Variants in VARS1 observed in about 807,000 individuals in gnomAD.
VARS1 encodes the protein valyl-tRNA synthetase 1.
VARS1 carries 92 observed loss-of-function variants against 161.0 expected under a neutral mutation model. The observed-to-expected ratio is 0.57, with a 90% CI of 0.48 to 0.68. The LOEUF is 0.68. Among genes scored for constraint, VARS1 ranks in the 30% least tolerant of loss-of-function variants. The pLI is 0.00. For missense variants in VARS1, 1,338 were observed against 1,695.9 expected, an observed-to-expected ratio of 0.79 and a Z score of 3.71; for synonymous variants, 595 against 682.5, an observed-to-expected ratio of 0.87 and a Z score of 2.00.
chr6:31,786,754 C>A (rs374359517), intron 8 of VARS1, among the ~76,000 whole-genome samples: 1 of 145,502 alleles, frequency 6.9e-6, no homozygotes, highest in African/African-American at 2.5e-5. Context: ...AAATAAGTTA[C>A]TAAACAGGAA....
Position 31,777,542 on chromosome 6 carries a change from T to G in VARS1, c.*52A>C. On this transcript the variant is annotated 3_prime_UTR_variant, in exon 30 of 30. Coordinates refer to ENST00000375663, the MANE Select transcript of VARS1 (RefSeq NM_006295.3). This position sits in a 1 kb window ranked among gnomAD's most constrained non-coding sequence, Gnocchi z 5.8. The stretch of plus-strand genomic sequence containing the variant: ...ATTTTGTGGGAAAATATTTTATTGC[T>G]GCCATCCCCATGGTGAGCCGCTGGG... 1 of 1,603,632 alleles carries G rather than the reference T, an allele frequency of 6.2e-7. No homozygotes were observed. Among genetic ancestry groups the G allele is most frequent in the Non-Finnish European group, 8.5e-7 (1 of 1,170,838 alleles).
intron 8 of VARS1, among the ~76,000 whole-genome samples, chr6:31,787,893 C>T (rs925097443): frequency 2.0e-5 from 3 of 151,984 alleles, no homozygotes; most frequent in South Asian, 2.1e-4. Context: ...CCGAGGTACG[C>T]GAATCACGAG....
rs1247983687 is a variant in VARS1, at chr6:31,791,678, G to A, written c.1032C>T (p.Pro344=). The A allele has an allele frequency of 1.2e-6, 2 of 1,613,016 alleles. No homozygotes were observed. The highest frequency in any genetic ancestry group is 1.7e-6 in the Non-Finnish European group (2 of 1,180,004). ...CCAGGTGCAGGGAGCCTGTCACATTGGGGGGTGGGATGCACATCATGAAGA... is the reference window on the plus strand; with the variant it reads ...CCAGGTGCAGGGAGCCTGTCACATTAGGGGGTGGGATGCACATCATGAAGA... The part of the protein sequence containing the change: ...RGVFMMCIPP[P]NVTGSLHLGH... Residue 344 remains proline (P), a synonymous_variant, in exon 8 of 30, where the codon CCC becomes CCT. Coordinates refer to ENST00000375663, the MANE Select transcript of VARS1 (RefSeq NM_006295.3). The surrounding 1 kb of genome is among the most constrained non-coding windows in gnomAD (Gnocchi z 5.0).
chr6:31,783,955 C>T (rs532053678), intron 13 of VARS1, among the ~76,000 whole-genome samples: 1 of 152,304 alleles, frequency 6.6e-6, no homozygotes, highest in Non-Finnish European at 1.5e-5. Flanking sequence ...GCCACCGTGC[C>T]TGGCTATTTA....
In VARS1 at chr6:31,777,695, A is replaced by G; in HGVS notation, c.3727-33T>C. The stretch of plus-strand genomic sequence containing the variant: ...GGAACCAGGGGGTGGGTGAGGACCC[A>G]GGTCCAAGTGAAGAGACCCCCAAAC... On this transcript the variant is annotated intron_variant, in intron 29 of 29. Coordinates refer to ENST00000375663, the MANE Select transcript of VARS1 (RefSeq NM_006295.3). The surrounding 1 kb of genome is among the most constrained non-coding windows in gnomAD (Gnocchi z 5.8). 1 of 1,605,320 alleles carries G rather than the reference A, an allele frequency of 6.2e-7. No homozygotes were observed. Among genetic ancestry groups the G allele is most frequent in the Non-Finnish European group, 8.5e-7 (1 of 1,175,658 alleles).
chr6:31,784,799 C>T lies in VARS1; in HGVS notation c.1348-85G>A, dbSNP rs1163139794. 4.4e-6 allele frequency: 7 copies of T among 1,584,672 alleles called. No individual in the cohort carries two copies. The highest frequency in any genetic ancestry group is 6.0e-6 in the Non-Finnish European group (7 of 1,163,550). ...CACCCAGGGCTCCAGTGAGGCCTTG[C>T]CCATACAGAGTCCCACTGGCCAGCA... On this transcript the variant is annotated intron_variant, in intron 10 of 29. Coordinates refer to ENST00000375663, the MANE Select transcript of VARS1 (RefSeq NM_006295.3). This position sits in a 1 kb window ranked among gnomAD's most constrained non-coding sequence, Gnocchi z 6.1.
In VARS1 at chr6:31,784,805, C is replaced by G. The variant is rs1581645259; in HGVS notation, c.1348-91G>C. 2.5e-6 allele frequency: 4 copies of G among 1,576,964 alleles called. No homozygotes were observed. The East Asian group carries it at 9.0e-5, about 35-fold the overall frequency. On this transcript the variant is annotated intron_variant, in intron 10 of 29. Coordinates refer to ENST00000375663, the MANE Select transcript of VARS1 (RefSeq NM_006295.3). This position sits in a 1 kb window ranked among gnomAD's most constrained non-coding sequence, Gnocchi z 6.1. ...GGGCTCCAGTGAGGCCTTGCCCATACAGAGTCCCACTGGCCAGCACAAAGA... is the reference window on the plus strand; with the variant it reads ...GGGCTCCAGTGAGGCCTTGCCCATAGAGAGTCCCACTGGCCAGCACAAAGA...
Position 31,780,036 on chromosome 6 carries a change from A to G in VARS1, c.3043T>C (p.Tyr1015His). Residue 1015 changes from tyrosine (Y) to histidine (H), a missense_variant, in exon 26 of 30, where the codon TAC (tyrosine) becomes CAC (histidine). This residue lies in a region of VARS1 where 433 missense variants were observed against 586.2 expected (regional missense o/e 0.74). Coordinates refer to ENST00000375663, the MANE Select transcript of VARS1 (RefSeq NM_006295.3). This position sits in a 1 kb window ranked among gnomAD's most constrained non-coding sequence, Gnocchi z 5.1. ...YDFPAVTTAQ[Y>H]SFWLYELCDV... The stretch of plus-strand genomic sequence containing the variant: ...CAGAGCTCATAGAGCCAGAAGCTGT[A>G]CTGGGCAGTGGTGACGGCCGGGAAG... 1 of 1,614,104 alleles carries G rather than the reference A, an allele frequency of 6.2e-7. No homozygotes were observed. Among genetic ancestry groups the G allele is most frequent in the Non-Finnish European group, 8.5e-7 (1 of 1,180,028 alleles).
In VARS1 at chr6:31,784,656, T is replaced by C. The variant is rs972315243; in HGVS notation, c.1406A>G (p.Tyr469Cys). 1 of 1,612,946 alleles carries C rather than the reference T, an allele frequency of 6.2e-7. No homozygotes were observed. Among genetic ancestry groups the C allele is most frequent in the African/African-American group, 1.3e-5 (1 of 74,926 alleles). ...FVRLHEEGIIYRSTRLVNWSC... is the reference protein window; with the variant it reads ...FVRLHEEGIICRSTRLVNWSC... The stretch of plus-strand genomic sequence containing the variant: ...CCAGTTAACAAGGCGGGTACTGCGA[T>C]AGATGATGCCTTCCTCGTGAAGCCG... Residue 469 changes from tyrosine (Y) to cysteine (C), a missense_variant, in exon 11 of 30, where the codon TAT becomes TGT. Physicochemically the swap from Tyr to Cys is radical, Grantham distance 194. This residue lies in a region of VARS1 where 902 missense variants were observed against 1,090.3 expected (regional missense o/e 0.83). Coordinates refer to ENST00000375663, the MANE Select transcript of VARS1 (RefSeq NM_006295.3). The surrounding 1 kb of genome is among the most constrained non-coding windows in gnomAD (Gnocchi z 6.1).
chr6:31,793,238 A>C (rs1243304726), intron 2 of VARS1, 118 bp from the exon 3 acceptor site: 17 of 1,327,532 alleles, frequency 1.3e-5, no homozygotes, highest in African/African-American at 3.0e-5. Flanking sequence ...TCTGAGTCCC[A>C]TTTCTTCACT....
Position 31,780,284 on chromosome 6 carries a change from G to T in VARS1, c.2926-131C>A. 2 of 1,516,576 alleles carry T rather than the reference G, an allele frequency of 1.3e-6. No individual in the cohort carries two copies. The highest frequency in any genetic ancestry group is 2.3e-5 in the East Asian group (1 of 42,928). The allele number at this position is 1,516,576 out of a possible 1,614,324, so 93.9% of individuals were successfully genotyped here. ...AGCAACCACCTATGTGCCAGGATCT[G>T]GGAAGAAGTGACAGGCCCCAGCCCC... On this transcript the variant is annotated intron_variant, in intron 25 of 29. Coordinates refer to ENST00000375663, the MANE Select transcript of VARS1 (RefSeq NM_006295.3). The surrounding 1 kb of genome is among the most constrained non-coding windows in gnomAD (Gnocchi z 5.1).
rs144816163 is a variant in VARS1 at position 31,782,730 on chromosome 6, C to T, written c.1878G>A (p.Pro626=). ...CCTCAGGCAGCCTCACCAGGAAAGG[C>T]GGAGGCACATTGATGAGGGCCCCCC... ...DSRGALINVP[P]PFLGLPRFEA... Residue 626 remains proline (P), a synonymous_variant, in exon 15 of 30, where the codon CCG becomes CCA. Coordinates refer to ENST00000375663, the MANE Select transcript of VARS1 (RefSeq NM_006295.3). The surrounding 1 kb of genome is among the most constrained non-coding windows in gnomAD (Gnocchi z 8.3). 66 of 1,612,806 alleles carry T rather than the reference C, an allele frequency of 4.1e-5. No individual in the cohort carries two copies. The highest frequency in any genetic ancestry group is 5.2e-5 in the Non-Finnish European group (61 of 1,179,968).
At chr6:31,788,244 G>C (rs1813633790) in intron 8 of VARS1, among the ~76,000 whole-genome samples, 1 of 152,106 alleles carries the variant, frequency 6.6e-6, no homozygotes, top group African/African-American at 2.4e-5. Context: ...GCTCATGCCT[G>C]TCATCCTAGC....
chr6:31,779,069 T>A lies in VARS1; in HGVS notation c.3624A>T (p.Arg1208=), dbSNP rs760740672. Residue 1208 remains arginine (R), a synonymous_variant, in exon 29 of 30, where the codon CGA becomes CGT. Coordinates refer to ENST00000375663, the MANE Select transcript of VARS1 (RefSeq NM_006295.3). The surrounding 1 kb of genome is among the most constrained non-coding windows in gnomAD (Gnocchi z 9.1). ...GCTGGGCCTGCCGCTGGGCCTCAAC[T>A]CGCTTGGCTTGCAGCTTGCCCAGCT... The part of the protein sequence containing the change: ...ARELGKLQAK[R]VEAQRQAQRL... 6.2e-7 allele frequency: 1 copy of A among 1,612,526 alleles called. No homozygotes were observed. Among genetic ancestry groups the A allele is most frequent in the South Asian group, 1.1e-5 (1 of 91,028 alleles).
rs1813112862 is a variant in VARS1 at position 31,781,082 on chromosome 6, C to T, written c.2586G>A (p.Lys862=). ...TGACATTGCCTAGAGACTTGCTCAT[C>T]TTCCGGCCGTGAGCATCTCGCACGA... ...HAIVRDAHGR[K]MSKSLGNVID... Residue 862 remains lysine, a synonymous_variant, in exon 22 of 30, where the codon AAG becomes AAA. Coordinates refer to ENST00000375663, the MANE Select transcript of VARS1 (RefSeq NM_006295.3). This position sits in a 1 kb window ranked among gnomAD's most constrained non-coding sequence, Gnocchi z 6.8. The T allele has an allele frequency of 6.2e-7, 1 of 1,613,572 alleles. No homozygotes were observed. The highest frequency in any genetic ancestry group is 1.3e-5 in the African/African-American group (1 of 75,066).
chr6:31,791,994 T>C lies in VARS1; in HGVS notation c.872-23A>G. The C allele has an allele frequency of 6.4e-7, 1 of 1,552,092 alleles. No homozygotes were observed. Among genetic ancestry groups the C allele is most frequent in the East Asian group, 2.3e-5 (1 of 43,780 alleles). ...CATCTGGGGGAGAGGAAGGGAGGGCTCAGTGCCGTGGCTGGGAGCACTCTG... is the reference window on the plus strand; with the variant it reads ...CATCTGGGGGAGAGGAAGGGAGGGCCCAGTGCCGTGGCTGGGAGCACTCTG... On this transcript the variant is annotated intron_variant, in intron 6 of 29. Transcript: ENST00000375663. The surrounding 1 kb of genome is among the most constrained non-coding windows in gnomAD (Gnocchi z 5.0).
Position 31,784,803 on chromosome 6 carries a change from TAC to T in VARS1, c.1348-91_1348-90del. 6.3e-7 allele frequency: 1 copy of T among 1,581,398 alleles called. No individual in the cohort carries two copies. The highest frequency in any genetic ancestry group is 8.6e-7 in the Non-Finnish European group (1 of 1,161,638). On this transcript the variant is annotated intron_variant, in intron 10 of 29. Transcript: ENST00000375663. The surrounding 1 kb of genome is among the most constrained non-coding windows in gnomAD (Gnocchi z 6.1). The stretch of plus-strand genomic sequence containing the variant: ...CAGGGCTCCAGTGAGGCCTTGCCCA[TAC>T]AGAGTCCCACTGGCCAGCACAAAGA...
In VARS1 at chr6:31,783,147, G is replaced by A. The variant is rs764565459; in HGVS notation, c.1711C>T (p.Arg571Trp). 2.0e-5 allele frequency: 33 copies of A among 1,612,712 alleles called. No homozygotes were observed. The highest frequency in any genetic ancestry group is 2.5e-5 in the Non-Finnish European group (30 of 1,179,966). ...GKNVIHPFLS[R>W]SLPIVFDEFV... ...TCATCGAAGACAATGGGAAGGCTCC[G>A]AGACAGGAATGGGTGGATCACGTTC... is the stretch of plus-strand genomic sequence containing the variant. The change falls in exon 14 of 30, where the codon CGG (arginine) becomes TGG (tryptophan). Residue 571 changes from arginine (R) to tryptophan (W), a missense_variant. This residue lies in a region of VARS1 where 902 missense variants were observed against 1,090.3 expected (regional missense o/e 0.83). Transcript: ENST00000375663.
chr6:31,785,205 A>C lies in VARS1; in HGVS notation c.1347+41T>G. 1 of 1,609,830 alleles carries C rather than the reference A, an allele frequency of 6.2e-7. No homozygotes were observed. Among genetic ancestry groups the C allele is most frequent in the Non-Finnish European group, 8.5e-7 (1 of 1,177,690 alleles). ...CCTGTGGGGGTCCCACCCTGGGGAG[A>C]CTCCTACTCCTGCCCCAGCTTTGAC... is the stretch of plus-strand genomic sequence containing the variant. On this transcript the variant is annotated intron_variant, in intron 10 of 29. Coordinates refer to ENST00000375663, the MANE Select transcript of VARS1 (RefSeq NM_006295.3). This position sits in a 1 kb window ranked among gnomAD's most constrained non-coding sequence, Gnocchi z 6.1.
Sources: allele counts gnomAD v4.1 joint callset (sites outside exome capture counted in the v4.1 genomes callset), GRCh38; gene constraint gnomAD v4.1.1; regional missense constraint gnomAD v4.1.1; non-coding constraint Gnocchi (gnomAD v3.1); transcripts MANE v1.5; gene names NCBI Gene and HGNC (gene_info 2026-07-23, HGNC 2026-07-21).